Variants in NEB observed in about 807,000 individuals in gnomAD.
NEB encodes nebulin.
NEB carries 512 observed loss-of-function variants against 952.2 expected under a neutral mutation model. The observed-to-expected ratio is 0.54, with a 90% CI of 0.50 to 0.58. The LOEUF is 0.58. Ranked by LOEUF, NEB falls within the 20% of genes least tolerant of loss-of-function variation. NEB has a pLI of 0.00. For missense variants in NEB, 8,428 were observed against 9,231.1 expected (o/e 0.91, Z 3.56); for synonymous variants, 2,900 against 3,149.8 (o/e 0.92, Z 2.66).
chr2:151,559,426 C>G (rs1249390357), intron 124 of NEB, among the ~76,000 whole-genome samples: 1 of 152,176 alleles, frequency 6.6e-6, no homozygotes, highest in Non-Finnish European at 1.5e-5. Context: ...TTTGACCCAG[C>G]AATCCCATTA....
chr2:151,643,008 G>T, intron 58 of NEB, 139 bp from the exon 59 acceptor site: 1 of 1,153,812 alleles, frequency 8.7e-7, no homozygotes, highest in Non-Finnish European at 1.2e-6. Context: ...AATGTCTTGT[G>T]TCAATAAGAA....
chr2:151,609,784 C>A, intron 81 of NEB, 25 bp downstream of exon 81: 1 of 1,547,190 alleles, frequency 6.5e-7, no homozygotes, highest in Non-Finnish European at 8.7e-7. Context: ...CCCCTTCCCC[C>A]TTTCCCAAAA....
chr2:151,545,848 T>A (rs372252328), intron 135 of NEB, 40 bp downstream of exon 135: 1 of 1,266,162 alleles, frequency 7.9e-7, no homozygotes, highest in Non-Finnish European at 1.1e-6. Flanking sequence ...TTTGTACTGG[T>A]CAATTTGATT....
chr2:151,565,461 C>T, intron 116 of NEB, 40 bp downstream of exon 116: 1 of 1,314,696 alleles, frequency 7.6e-7, no homozygotes, highest in African/African-American at 1.4e-5. Flanking sequence ...ACAATTTACT[C>T]CCCAGTCTGT....
chr2:151,507,239 C>A, intron 162 of NEB: 1 of 445,764 alleles, frequency 2.2e-6, no homozygotes, highest in Admixed American at 4.0e-5. Flanking sequence ...TTAAGTATCC[C>A]TTGCTTAGTA....
Position 151,618,471 on chromosome 2 carries a change from T to A in NEB, c.10880A>T (p.Tyr3627Phe), listed in dbSNP as rs573537251. 1 of 1,613,278 alleles carries A rather than the reference T, an allele frequency of 6.2e-7. No homozygotes were observed. The highest frequency in any genetic ancestry group is 8.5e-7 in the Non-Finnish European group (1 of 1,179,564). ...TTTCATCCATTCAAGGTCTGACTTA[T>A]ACAAATTCTGCAGATCAACAGATAA... ...KAYDLQSDNL[Y>F]KSDLEWMKGI... is the part of the protein sequence containing the mutation. Residue 3627 changes from tyrosine (Y) to phenylalanine (F), a missense_variant, in exon 74 of 182, where the codon TAT becomes TTT. Tyr to Phe is a conservative substitution (Grantham distance 22, BLOSUM62 3). Coordinates refer to ENST00000397345, the MANE Select transcript of NEB (RefSeq NM_001164508.2).
intron 60 of NEB, among the ~76,000 whole-genome samples, chr2:151,641,183 GC>G: frequency 6.6e-6 from 1 of 152,226 alleles, no homozygotes; most frequent in East Asian, 1.9e-4. Context: ...ATGTAATTCT[GC>G]CACTAAAATA....
intron 38 of NEB, 111 bp downstream of exon 38, chr2:151,670,912 T>A: frequency 8.6e-7 from 1 of 1,158,526 alleles, no homozygotes; most frequent in Non-Finnish European, 1.3e-6. Flanking sequence ...TGAAAGCAGT[T>A]TATTTGCTAA....
In NEB at chr2:151,496,959, A is replaced by ATTGTGT; in HGVS notation, c.24369_24374dup (p.Lys8123_His8124dup). On this transcript the variant is annotated inframe_insertion, in exon 172 of 182. Coordinates refer to ENST00000397345, the MANE Select transcript of NEB (RefSeq NM_001164508.2). ...CAAGTACCGAGCTAATATTTTCTTG[A>ATTGTGT]TTGTGTTTGACTCTCTCCATCTCAG... 1 of 1,577,018 alleles carries ATTGTGT rather than the reference A, an allele frequency of 6.3e-7. No homozygotes were observed. The highest frequency in any genetic ancestry group is 1.3e-5 in the African/African-American group (1 of 74,270).
chr2:151,733,017 G>T, intron 3 of NEB, 104 bp downstream of exon 3: 1 of 998,072 alleles, frequency 1.0e-6, no homozygotes, highest in Non-Finnish European at 1.5e-6. Context: ...TCTTTGTGAA[G>T]TTATAATAGA....
At position 151,643,868 on chromosome 2, in the gene NEB, C is replaced by G; in HGVS notation, c.7906G>C (p.Asp2636His). ...NYLHQWTCLP[D>H]QSDVIHARQA... ...CGAGCATGGATGACATCGCTCTGGT[C>G]GGGCAGGCATGTCCACTGGTGCAGG... Residue 2636 changes from aspartate (D) to histidine (H), a missense_variant, in exon 57 of 182, where the codon GAC (aspartate) becomes CAC (histidine). By Grantham distance (81) the Asp-to-His change is moderately conservative. Around this residue, in one of 11 missense-constraint regions of NEB, gnomAD observed 1,772 missense variants for 1,960.3 expected, o/e 0.90. Coordinates refer to ENST00000397345, the MANE Select transcript of NEB (RefSeq NM_001164508.2). 2 of 1,614,018 alleles carry G rather than the reference C, an allele frequency of 1.2e-6. No individual in the cohort carries two copies. Among genetic ancestry groups the G allele is most frequent in the Non-Finnish European group, 1.7e-6 (2 of 1,179,892 alleles).
chr2:151,568,011 T>C (rs2096485143), intron 113 of NEB, 60 bp downstream of exon 113: 1 of 1,308,956 alleles, frequency 7.6e-7, no homozygotes, highest in Non-Finnish European at 1.1e-6. Flanking sequence ...TTGGCATAAC[T>C]GGAATCCCTG....
Position 151,576,323 on chromosome 2 carries a change from CGCA to C in NEB, c.16733_16735del (p.Leu5578_Arg5579delinsCys). On this transcript the variant is annotated inframe_deletion, in exon 106 of 182. Transcript: ENST00000397345. ...CCCTTGGGGCATCCAGCCAATGCCACGCAACCACTCCAAGTCAGCCTTGTAGAG... is the reference window on the plus strand; with the variant it reads ...CCCTTGGGGCATCCAGCCAATGCCACACCACTCCAAGTCAGCCTTGTAGAG... The C allele has an allele frequency of 6.2e-7, 1 of 1,608,168 alleles. No homozygotes were observed. Among genetic ancestry groups the C allele is most frequent in the Non-Finnish European group, 8.5e-7 (1 of 1,176,258 alleles).
chr2:151,716,832 T>C (rs2099760462), intron 10 of NEB, among the ~76,000 whole-genome samples: 1 of 152,196 alleles, frequency 6.6e-6, no homozygotes, highest in Non-Finnish European at 1.5e-5. Flanking sequence ...CAATTTAAAA[T>C]AGGAATTTAG....
chr2:151,530,760 T>C (rs1272414979), intron 145 of NEB: 37 of 383,782 alleles, frequency 9.6e-5, no homozygotes, highest in Non-Finnish European at 9.3e-6. Context: ...GTGAGCCACC[T>C]GGATGTCCTG....
intron 16 of NEB, 38 bp downstream of exon 16, chr2:151,697,110 G>T: frequency 6.8e-7 from 1 of 1,471,510 alleles, no homozygotes; most frequent in Non-Finnish European, 9.4e-7. Flanking sequence ...AGATGCTATG[G>T]AAGGCAGTCA....
Position 151,724,355 on chromosome 2 carries a change from T to C in NEB, c.517A>G (p.Lys173Glu). 1 of 1,610,490 alleles carries C rather than the reference T, an allele frequency of 6.2e-7. No homozygotes were observed. Among genetic ancestry groups the C allele is most frequent in the Non-Finnish European group, 8.5e-7 (1 of 1,178,250 alleles). The change falls in exon 8 of 182, where the codon AAG (lysine) becomes GAG (glutamate). Residue 173 changes from lysine (K) to glutamate (E), a missense_variant. Transcript: ENST00000397345. ...TCCTTGGTGTCTTCCCAGTTCTGCT[T>C]GTATAAAACCTAGACAGAAGGAGCA... ...VSQQVSKVLY[K>E]QNWEDTKDKY...
chr2:151,619,814 G>T, intron 72 of NEB, 52 bp from the exon 73 acceptor site: 1 of 1,533,574 alleles, frequency 6.5e-7, no homozygotes. Context: ...GCTATTCCCT[G>T]TTGTTCTTTC....
At chr2:151,570,750 T>A in intron 107 of NEB, 149 bp from the exon 108 acceptor site, 1 of 698,124 alleles carries the variant, frequency 1.4e-6, no homozygotes, top group Non-Finnish European at 2.5e-6. Flanking sequence ...AATCATTCTA[T>A]GCACCATTGT....
Sources: gnomAD v4.1 joint callset for allele counts (sites outside exome capture counted in the v4.1 genomes callset) on GRCh38, gnomAD v4.1.1 for gene constraint, gnomAD v4.1.1 regional missense constraint, MANE v1.5 for transcripts, NCBI Gene and HGNC (gene_info 2026-07-23, HGNC 2026-07-21) for gene names.